Variants in ROBO1 observed in about 807,000 individuals in gnomAD.
The protein encoded by ROBO1 is roundabout guidance receptor 1, also known as roundabout homolog 1.
In ROBO1, 149 loss-of-function variants were observed where a neutral mutation model predicts 195.9. The observed-to-expected ratio is 0.76, with a 90% CI of 0.67 to 0.87. The LOEUF is 0.87. Among genes scored for constraint, ROBO1 ranks in the 40% least tolerant of loss-of-function variants. The probability of loss-of-function intolerance (pLI) is 0.00; values close to 1 mark genes in which losing one functional copy is unlikely to be tolerated. For synonymous variants in ROBO1, 816 were observed against 733.2 expected (o/e 1.11, Z -1.82); for missense variants, 1,933 against 2,068.3 (o/e 0.93, Z 1.27).
chr3:78,962,198 G>T (rs2041386095), intron 3 of ROBO1, among the ~76,000 whole-genome samples: 1 of 152,134 alleles, frequency 6.6e-6, no homozygotes, highest in South Asian at 2.1e-4. Context: ...TTCCATAAAA[G>T]ACACTAAAGA....
intron 3 of ROBO1, among the ~76,000 whole-genome samples, chr3:78,939,723 A>C (rs1459667028): frequency 7.1e-6 from 1 of 139,888 alleles, no homozygotes; most frequent in Non-Finnish European, 1.5e-5. Flanking sequence ...CTTCCTAAAT[A>C]AAAAAAAGTA....
chr3:78,759,422 T>C (rs2083033202), intron 4 of ROBO1: 1 of 151,288 alleles, frequency 6.6e-6, no homozygotes, highest in African/African-American at 2.4e-5. Context: ...AAATAAGCTA[T>C]GGTTAAAGTT....
At chr3:78,662,671 G>T (rs754768665) in intron 14 of ROBO1, among the ~76,000 whole-genome samples, 10 of 152,158 alleles carry the variant, frequency 6.6e-5, no homozygotes, top group Non-Finnish European at 1.0e-4. Flanking sequence ...CAATGGAGGT[G>T]ATACAGATGC....
chr3:78,774,277 C>G (rs1012424548), intron 4 of ROBO1, among the ~76,000 whole-genome samples: 4 of 152,042 alleles, frequency 2.6e-5, no homozygotes, highest in Non-Finnish European at 4.4e-5. Flanking sequence ...ATTGAAAACT[C>G]CTTTAAATGT....
chr3:79,085,867 G>C (rs1343937363), intron 3 of ROBO1, among the ~76,000 whole-genome samples: 1 of 152,076 alleles, frequency 6.6e-6, no homozygotes, highest in Non-Finnish European at 1.5e-5. Flanking sequence ...TCAGCAAATT[G>C]ATTAATTAAT....
At chr3:79,449,723 T>A (rs2039381915) in intron 2 of ROBO1, among the ~76,000 whole-genome samples, 1 of 152,198 alleles carries the variant, frequency 6.6e-6, no homozygotes, top group South Asian at 2.1e-4. Flanking sequence ...GATAAATATC[T>A]AAATAGTTAA....
intron 5 of ROBO1, among the ~76,000 whole-genome samples, chr3:78,740,524 T>G (rs1430825985): frequency 6.6e-6 from 1 of 150,746 alleles, no homozygotes; most frequent in Non-Finnish European, 1.5e-5. Context: ...CAGGCTGGAG[T>G]GCAATGGCGC....
intron 2 of ROBO1, among the ~76,000 whole-genome samples, chr3:79,152,353 A>G (rs538785648): frequency 6.6e-6 from 1 of 151,934 alleles, no homozygotes; most frequent in East Asian, 1.9e-4. Flanking sequence ...GAGAAAGAAA[A>G]CAGAAAGAAA....
chr3:79,653,175 G>T (rs746806484), intron 1 of ROBO1, among the ~76,000 whole-genome samples: 29 of 151,532 alleles, frequency 1.9e-4, no homozygotes, highest in Non-Finnish European at 4.1e-4. Flanking sequence ...TATTATAAAT[G>T]TGTCTATATC....
At chr3:79,122,668 T>C (rs2080141276) in intron 3 of ROBO1, among the ~76,000 whole-genome samples, 3 of 151,968 alleles carry the variant, frequency 2.0e-5, no homozygotes, top group African/African-American at 7.2e-5. Context: ...TGCTCCCAAA[T>C]GGCTTAAGTA....
chr3:78,757,687 C>T (rs1172849158), intron 4 of ROBO1, among the ~76,000 whole-genome samples: 1 of 152,124 alleles, frequency 6.6e-6, no homozygotes, highest in Non-Finnish European at 1.5e-5. Flanking sequence ...CTCTTCCCAC[C>T]AATGTATCTT....
At chr3:78,728,665 A>G (rs1200718102) in intron 5 of ROBO1, among the ~76,000 whole-genome samples, 1 of 152,216 alleles carries the variant, frequency 6.6e-6, no homozygotes, top group Non-Finnish European at 1.5e-5. Flanking sequence ...ATTGTAAAGA[A>G]AATATGAGAA....
At chr3:79,413,934 G>T (rs1428757162) in intron 2 of ROBO1, among the ~76,000 whole-genome samples, 1 of 151,966 alleles carries the variant, frequency 6.6e-6, no homozygotes, top group Non-Finnish European at 1.5e-5. Context: ...ATTCCTTCTA[G>T]GAGCCATAAA....
chr3:78,715,238 C>T (rs1176969789), intron 7 of ROBO1: 1 of 152,164 alleles, frequency 6.6e-6, no homozygotes, highest in Non-Finnish European at 1.5e-5. Context: ...ATCCCATAGG[C>T]ACCTAATATT....
At chr3:79,012,352 T>C (rs947736476) in intron 3 of ROBO1, among the ~76,000 whole-genome samples, 1 of 152,218 alleles carries the variant, frequency 6.6e-6, no homozygotes, top group African/African-American at 2.4e-5. Context: ...GATGGTGCTT[T>C]TAACGCTTCA....
chr3:78,657,033 A>G (rs1707075376), intron 18 of ROBO1, 65 bp downstream of exon 18: 2 of 1,467,524 alleles, frequency 1.4e-6, no homozygotes, highest in South Asian at 2.9e-5. Flanking sequence ...GCCACATGCA[A>G]AAAAGCAAAG....
intron 26 of ROBO1, among the ~76,000 whole-genome samples, chr3:78,621,055 A>C (rs997609488): frequency 6.6e-6 from 1 of 151,896 alleles, no homozygotes; most frequent in Admixed American, 6.6e-5. Context: ...TTATATATAC[A>C]CACAACATTC....
At chr3:78,789,629 T>G (rs1317829790) in intron 4 of ROBO1, among the ~76,000 whole-genome samples, 1 of 152,180 alleles carries the variant, frequency 6.6e-6, no homozygotes, top group Non-Finnish European at 1.5e-5. Flanking sequence ...TTACCTTCAA[T>G]CTCTTTCACA....
chr3:78,898,365 A>G (rs1295944896), intron 4 of ROBO1, among the ~76,000 whole-genome samples: 1 of 146,954 alleles, frequency 6.8e-6, no homozygotes, highest in East Asian at 2.0e-4. Context: ...ATAGACAGAT[A>G]GATAGATAGA....
Sources: gnomAD v4.1 joint callset for allele counts (sites outside exome capture counted in the v4.1 genomes callset) on GRCh38, gnomAD v4.1.1 for gene constraint, MANE v1.5 for transcripts, NCBI Gene and HGNC (gene_info 2026-07-23, HGNC 2026-07-21) for gene names.